ADAM22: variants seen among roughly 807,000 people sequenced by gnomAD.
ADAM22 encodes disintegrin and metalloproteinase domain-containing protein 22.
A neutral mutation model predicts 144.6 loss-of-function variants in ADAM22; 65 were observed. That is an observed-to-expected ratio of 0.45 (90% CI 0.37 to 0.55). The LOEUF is 0.55. ADAM22 is among the 20% of genes least tolerant of loss of function. ADAM22 has a pLI of 0.00. For synonymous variants in ADAM22, 391 were observed against 412.6 expected (o/e 0.95, Z 0.63); for missense variants, 974 against 1,184.9 (o/e 0.82, Z 2.61).
intron 3 of ADAM22, among the ~76,000 whole-genome samples, chr7:88,022,906 C>G (rs1798147853): frequency 6.6e-6 from 1 of 152,150 alleles, no homozygotes; most frequent in Non-Finnish European, 1.5e-5. Flanking sequence ...TTTCAAAAGG[C>G]ACACACAAAC....
chr7:88,168,574 T>G (rs780655192), intron 25 of ADAM22, among the ~76,000 whole-genome samples: 6 of 152,164 alleles, frequency 3.9e-5, no homozygotes, highest in Non-Finnish European at 7.4e-5. Context: ...CTTCAAACAT[T>G]GTAAACTTAT....
Position 88,155,880 on chromosome 7 carries a change from G to T in ADAM22, c.1788-7G>T. On this transcript the variant is annotated splice_polypyrimidine_tract_variant and splice_region_variant and intron_variant, in intron 21 of 31. Transcript: ENST00000413139. ...GAAAAGAAGTAATTGGTAATCTTTT[G>T]ATACAGGGATGTGCTTTGTGGTTAC... 1 of 1,610,626 alleles carries T rather than the reference G, an allele frequency of 6.2e-7. No individual in the cohort carries two copies. Among genetic ancestry groups the T allele is most frequent in the South Asian group, 1.1e-5 (1 of 90,274 alleles).
chr7:88,004,942 G>C (rs148703322), intron 3 of ADAM22, among the ~76,000 whole-genome samples: 23 of 152,216 alleles, frequency 1.5e-4, no homozygotes. Flanking sequence ...TGTCAGTGTA[G>C]TTTGACTTTG....
At chr7:88,093,978 A>T (rs1459671434) in intron 4 of ADAM22, among the ~76,000 whole-genome samples, 1 of 152,150 alleles carries the variant, frequency 6.6e-6, no homozygotes, top group Admixed American at 6.6e-5. Flanking sequence ...GACATGAGAG[A>T]TTTACAGTGG....
At chr7:88,092,069 T>C (rs531454270) in intron 4 of ADAM22, among the ~76,000 whole-genome samples, 9 of 152,198 alleles carry the variant, frequency 5.9e-5, no homozygotes, top group Non-Finnish European at 2.9e-5. Flanking sequence ...TCGCTTCAAA[T>C]CATTATAGTT....
chr7:88,112,135 G>A (rs1826210886), intron 5 of ADAM22, among the ~76,000 whole-genome samples: 2 of 152,158 alleles, frequency 1.3e-5, no homozygotes, highest in Non-Finnish European at 2.9e-5. Context: ...GTTTTTGAAA[G>A]GCTCCCCCTC....
At chr7:88,073,378 G>A (rs771665289) in intron 3 of ADAM22, among the ~76,000 whole-genome samples, 3 of 152,076 alleles carry the variant, frequency 2.0e-5, no homozygotes, top group Non-Finnish European at 4.4e-5. Context: ...AGAGAGCCCC[G>A]GCTACCATGC....
At chr7:88,127,772 A>G (rs1290734649) in intron 8 of ADAM22, among the ~76,000 whole-genome samples, 4 of 152,026 alleles carry the variant, frequency 2.6e-5, no homozygotes, top group Non-Finnish European at 5.9e-5. Flanking sequence ...GTTTTCTGGA[A>G]AAGTTTATAT....
intron 3 of ADAM22, among the ~76,000 whole-genome samples, chr7:88,008,728 C>T (rs1480554779): frequency 5.3e-5 from 8 of 151,524 alleles, no homozygotes; most frequent in Non-Finnish European, 1.2e-4. Flanking sequence ...GGAAGGGGAA[C>T]ATCACACTCT....
intron 2 of ADAM22, among the ~76,000 whole-genome samples, chr7:87,974,368 T>C (rs907951831): frequency 6.6e-6 from 1 of 151,924 alleles, no homozygotes; most frequent in East Asian, 1.9e-4. Context: ...TTTGGCCTAT[T>C]TATCAGCCAG....
intron 3 of ADAM22, among the ~76,000 whole-genome samples, chr7:88,060,192 G>A (rs946298472): frequency 6.6e-6 from 1 of 152,156 alleles, no homozygotes; most frequent in African/African-American, 2.4e-5. Context: ...GTTGATGGCT[G>A]CTGACTGATC....
intron 4 of ADAM22, among the ~76,000 whole-genome samples, chr7:88,082,984 G>T (rs13243521): frequency 1.3e-5 from 2 of 152,106 alleles, no homozygotes; most frequent in African/African-American, 4.8e-5. Flanking sequence ...CATCCCATTA[G>T]TGGGTATATA....
chr7:88,192,537 C>T (rs1344557949), intron 30 of ADAM22, among the ~76,000 whole-genome samples: 1 of 152,130 alleles, frequency 6.6e-6, no homozygotes, highest in African/African-American at 2.4e-5. Flanking sequence ...TGGAACTCTG[C>T]ACTCCTTACT....
In ADAM22 at chr7:88,076,465, G is replaced by A. The variant is rs986775262; in HGVS notation, c.390+773G>A. Among the ~76,000 whole-genome samples the A allele has an allele frequency of 2.0e-5, 3 of 152,160 alleles. No homozygotes were observed. The East Asian group carries it at 5.8e-4, about 29-fold the overall frequency. ...GTGAAAACTTGGGTCCAGGGTAGGT[G>A]TTTGCCTTTGCATTCAGCTGTGTAA... On this transcript the variant is annotated intron_variant, in intron 4 of 31. Transcript: ENST00000413139.
Position 88,057,157 on chromosome 7 carries a change from G to A in ADAM22, c.324-18469G>A, listed in dbSNP as rs184771533. On this transcript the variant is annotated intron_variant, in intron 3 of 31. Coordinates refer to ENST00000413139, the MANE Select transcript of ADAM22 (RefSeq NM_001324418.2). ...TTTTTTTTTCTTAAGACAGGGTCTC[G>A]CTATGTTGTCCAGGCTGGTTTTGAA... Among the ~76,000 whole-genome samples the A allele has an allele frequency of 2.8e-3, 424 of 150,814 alleles. 6 individuals carry two copies. The highest frequency in any genetic ancestry group is 9.7e-3 in the African/African-American group (398 of 40,942).
rs1850459539 is a variant in ADAM22 at position 87,971,617 on chromosome 7, G to A, written c.247-6719G>A. Reference sequence around the variant, plus strand: ...TTACGTTTTTCCAGTATCTGTGAGGGGTATTACTACTTTTTCATCTTCAAC... The same window carrying A: ...TTACGTTTTTCCAGTATCTGTGAGGAGTATTACTACTTTTTCATCTTCAAC... On this transcript the variant is annotated intron_variant, in intron 2 of 31. Coordinates refer to ENST00000413139, the MANE Select transcript of ADAM22 (RefSeq NM_001324418.2). Among the ~76,000 whole-genome samples, 4 of 152,046 alleles carry A rather than the reference G, an allele frequency of 2.6e-5. No individual in the cohort carries two copies. The East Asian group carries it at 5.8e-4, about 22-fold the overall frequency.
At chr7:88,090,062 A>T (rs1428531351) in intron 4 of ADAM22, 1 of 152,230 alleles carries the variant, frequency 6.6e-6, no homozygotes, top group Non-Finnish European at 1.5e-5. Flanking sequence ...AGATTCTTTA[A>T]CAGTGTGTGT....
At chr7:88,028,081 A>G (rs1799433567) in intron 3 of ADAM22, among the ~76,000 whole-genome samples, 1 of 152,164 alleles carries the variant, frequency 6.6e-6, no homozygotes, top group Non-Finnish European at 1.5e-5. Flanking sequence ...CACTGTGTCC[A>G]GCCTTTTTTC....
chr7:88,134,134 A>G (rs1215437096), intron 12 of ADAM22, among the ~76,000 whole-genome samples, 195 bp from the exon 13 acceptor site: 3 of 152,202 alleles, frequency 2.0e-5, no homozygotes, highest in African/African-American at 7.2e-5. Flanking sequence ...TGTAAGACCT[A>G]ATCAAACATG....
Sources: allele counts gnomAD v4.1 joint callset (sites outside exome capture counted in the v4.1 genomes callset), GRCh38; gene constraint gnomAD v4.1.1; transcripts MANE v1.5; gene names NCBI Gene and HGNC (gene_info 2026-07-23, HGNC 2026-07-21).